Variants in CMAS observed in about 807,000 individuals in gnomAD.
The protein encoded by CMAS is cytidine monophosphate N-acetylneuraminic acid synthetase.
In CMAS, 21 loss-of-function variants were observed where a neutral mutation model predicts 53.4. The observed-to-expected ratio is 0.39, with a 90% confidence interval of 0.28 to 0.57. CMAS has a LOEUF of 0.57. Ranked by LOEUF, CMAS falls within the 20% of genes least tolerant of loss-of-function variation. The pLI, the probability that CMAS is intolerant of heterozygous loss-of-function variation, is 0.56. For synonymous variants in CMAS, 189 were observed against 195.2 expected (o/e 0.97, Z 0.27); for missense variants, 384 against 534.9 (o/e 0.72, Z 2.78).
In CMAS at chr12:22,046,346, C is replaced by G. The variant is rs1437638598; in HGVS notation, c.43C>G (p.Pro15Ala). 1.1e-5 allele frequency: 17 copies of G among 1,519,830 alleles called. No individual in the cohort carries two copies. The highest frequency in any genetic ancestry group is 1.5e-5 in the Non-Finnish European group (17 of 1,132,600). The allele number at this position is 1,519,830 out of a possible 1,614,324, so 94.1% of individuals were successfully genotyped here. Reference protein sequence around the residue: ...EKGAATSVSNPRGRPSRGRPP... With the variant: ...EKGAATSVSNARGRPSRGRPP... Reference sequence around the variant, plus strand: ...GGGGGCCGCCACCTCCGTCTCCAACCCGCGGGGGCGACCGTCCCGGGGCCG... The same window carrying G: ...GGGGGCCGCCACCTCCGTCTCCAACGCGCGGGGGCGACCGTCCCGGGGCCG... Residue 15 changes from proline (P) to alanine (A), a missense_variant, in exon 1 of 8, where the codon CCG (proline) becomes GCG (alanine). Physicochemically the swap from Pro to Ala is conservative, Grantham distance 27. Around this residue, in one of 3 missense-constraint regions of CMAS, gnomAD observed 111 missense variants for 132.2 expected, o/e 0.84. Coordinates refer to ENST00000229329, the MANE Select transcript of CMAS (RefSeq NM_018686.6).
Position 22,046,570 on chromosome 12 carries a change from A to T in CMAS, c.260+7A>T, listed in dbSNP as rs368892363. On this transcript the variant is annotated splice_region_variant and intron_variant, in intron 1 of 7. Transcript: ENST00000229329. Reference sequence around the variant, plus strand: ...ATTCAGGGGCCTTCCAGAGGTGCGCATGTGCGAGAGTGGGCGGCGCGGCCT... The same window carrying T: ...ATTCAGGGGCCTTCCAGAGGTGCGCTTGTGCGAGAGTGGGCGGCGCGGCCT... The T allele has an allele frequency of 6.5e-7, 1 of 1,550,292 alleles. No individual in the cohort carries two copies. Among genetic ancestry groups the T allele is most frequent in the Non-Finnish European group, 8.7e-7 (1 of 1,148,488 alleles).
chr12:22,059,874 A>G (rs1328225386), intron 4 of CMAS, among the ~76,000 whole-genome samples: 3 of 152,202 alleles, frequency 2.0e-5, no homozygotes, highest in African/African-American at 4.8e-5. Context: ...GAAATTGTCC[A>G]GTAATTGATC....
chr12:22,060,819 A>C lies in CMAS; in HGVS notation c.694-13A>C, dbSNP rs749085455. 5.4e-6 allele frequency: 8 copies of C among 1,493,612 alleles called. No homozygotes were observed. Among genetic ancestry groups the C allele is most frequent in the African/African-American group, 1.4e-5 (1 of 72,306 alleles). The allele number at this position is 1,493,612 out of a possible 1,614,324, so 92.5% of individuals were successfully genotyped here. A position where few individuals can be genotyped will look rare whatever the true frequency, so the allele number is the denominator to read the frequency against. ...ATTAAAAACAGTATTCATGACATTTATACTACCTTTAGGGTGGAAAAATGG... is the reference window on the plus strand; with the variant it reads ...ATTAAAAACAGTATTCATGACATTTCTACTACCTTTAGGGTGGAAAAATGG... On this transcript the variant is annotated splice_polypyrimidine_tract_variant and intron_variant, in intron 4 of 7. Coordinates refer to ENST00000229329, the MANE Select transcript of CMAS (RefSeq NM_018686.6).
chr12:22,048,045 A>G (rs1177999675), intron 1 of CMAS, among the ~76,000 whole-genome samples: 3 of 152,194 alleles, frequency 2.0e-5, no homozygotes, highest in African/African-American at 7.2e-5. Context: ...CAAAAGAGGG[A>G]AAGGCTTATT....
At chr12:22,047,784 T>C (rs770820555) in intron 1 of CMAS, among the ~76,000 whole-genome samples, 67 of 152,144 alleles carry the variant, frequency 4.4e-4, no homozygotes, top group Non-Finnish European at 5.3e-4. Flanking sequence ...ACCAAGATGA[T>C]TGGGACACAG....
At position 22,065,351 on chromosome 12, in the gene CMAS, T is replaced by C; in HGVS notation, c.*40T>C. 4 of 1,498,392 alleles carry C rather than the reference T, an allele frequency of 2.7e-6. No individual in the cohort carries two copies. The highest frequency in any genetic ancestry group is 3.7e-6 in the Non-Finnish European group (4 of 1,087,146). 92.8% of individuals were successfully genotyped at this position (1,498,392 alleles called of 1,614,324 possible). A position where few individuals can be genotyped will look rare whatever the true frequency, so the allele number is the denominator to read the frequency against. ...TTGAGAAAAAAATGATACAGCCTTC[T>C]TCAGCCAGTTTGCTTTTATTTTTGA... On this transcript the variant is annotated 3_prime_UTR_variant, in exon 8 of 8. Coordinates refer to ENST00000229329, the MANE Select transcript of CMAS (RefSeq NM_018686.6).
At chr12:22,057,792 A>G (rs1399416294) in intron 3 of CMAS, among the ~76,000 whole-genome samples, 1 of 152,008 alleles carries the variant, frequency 6.6e-6, no homozygotes. Flanking sequence ...ATAAATCATC[A>G]GAATTATTAC....
intron 4 of CMAS, among the ~76,000 whole-genome samples, chr12:22,060,165 T>C (rs1950298572): frequency 3.3e-5 from 5 of 151,624 alleles, no homozygotes; most frequent in Admixed American, 3.3e-4. Flanking sequence ...AAAAGGAGGA[T>C]ATGATTAAGG....
At chr12:22,053,738 G>T (rs1950250201) in intron 1 of CMAS, among the ~76,000 whole-genome samples, 2 of 148,228 alleles carry the variant, frequency 1.3e-5, no homozygotes, top group Admixed American at 1.3e-4. Flanking sequence ...AATTAGCCGG[G>T]CGTGTTGGCG....
chr12:22,056,375 A>G (rs187232852), intron 3 of CMAS, among the ~76,000 whole-genome samples: 41 of 152,304 alleles, frequency 2.7e-4, no homozygotes, highest in African/African-American at 8.4e-4. Context: ...TATATCTGGC[A>G]TAGACACTTG....
At chr12:22,056,155 T>G (rs1950266747) in intron 3 of CMAS, among the ~76,000 whole-genome samples, 1 of 152,222 alleles carries the variant, frequency 6.6e-6, no homozygotes, top group Non-Finnish European at 1.5e-5. Context: ...TTTAGTTGTT[T>G]CGTAGGGATT....
chr12:22,059,814 A>C (rs753582471), intron 4 of CMAS, among the ~76,000 whole-genome samples: 4 of 152,112 alleles, frequency 2.6e-5, no homozygotes, highest in Non-Finnish European at 5.9e-5. Context: ...GTTTCTCATT[A>C]AAACAAGGTT....
At chr12:22,048,202 A>G (rs1363928635) in intron 1 of CMAS, among the ~76,000 whole-genome samples, 1 of 152,240 alleles carries the variant, frequency 6.6e-6, no homozygotes, top group African/African-American at 2.4e-5. Flanking sequence ...AGCTTACGTT[A>G]TAATAAGGAA....
intron 6 of CMAS, 37 bp from the exon 7 acceptor site, chr12:22,062,244 C>CCTT: frequency 6.5e-7 from 1 of 1,532,854 alleles, no homozygotes; most frequent in South Asian, 1.3e-5. Flanking sequence ...TTAATTTTTC[C>CCTT]CTTCTTCCTC....
chr12:22,046,823 A>C (rs1300951958), intron 1 of CMAS, among the ~76,000 whole-genome samples: 1 of 152,126 alleles, frequency 6.6e-6, no homozygotes, highest in Non-Finnish European at 1.5e-5. Flanking sequence ...TCATCCGTAA[A>C]AGGGGAGATT....
intron 4 of CMAS, chr12:22,060,619 A>T (rs1157078544): frequency 4.8e-6 from 2 of 419,550 alleles, no homozygotes; most frequent in Non-Finnish European, 4.4e-6. Flanking sequence ...GCACCATTGC[A>T]CTCCAGCCTG....
At position 22,062,567 on chromosome 12, in the gene CMAS, T is replaced by G; in HGVS notation, c.1114+133T>G. 3.4e-6 allele frequency: 3 copies of G among 880,776 alleles called. No individual in the cohort carries two copies. In the South Asian group the frequency reaches 4.7e-5, roughly 14 times the overall value. The allele number at this position is 880,776 out of a possible 1,614,324, so 54.6% of individuals were successfully genotyped here. On this transcript the variant is annotated intron_variant, in intron 7 of 7. Transcript: ENST00000229329. Reference sequence around the variant, plus strand: ...AAATAGGAACTCTTTTAACAAACACTGCTGATCAAACTGTTAAACTGGGAC... The same window carrying G: ...AAATAGGAACTCTTTTAACAAACACGGCTGATCAAACTGTTAAACTGGGAC...
At chr12:22,050,255 A>G (rs1950232722) in intron 1 of CMAS, among the ~76,000 whole-genome samples, 1 of 152,210 alleles carries the variant, frequency 6.6e-6, no homozygotes, top group South Asian at 2.1e-4. Flanking sequence ...ACCATGTGTT[A>G]ACTGTGCAAA....
chr12:22,063,019 A>G (rs1950318908), intron 7 of CMAS, among the ~76,000 whole-genome samples: 2 of 152,172 alleles, frequency 1.3e-5, no homozygotes, highest in South Asian at 2.1e-4. Context: ...ATTTATTTGC[A>G]TGATCAAATA....
Sources: gnomAD v4.1 joint callset for allele counts (sites outside exome capture counted in the v4.1 genomes callset) on GRCh38, gnomAD v4.1.1 for gene constraint, gnomAD v4.1.1 regional missense constraint, MANE v1.5 for transcripts, NCBI Gene and HGNC (gene_info 2026-07-23, HGNC 2026-07-21) for gene names.